MIPOL1: variants seen among roughly 807,000 people sequenced by gnomAD.
MIPOL1 encodes mirror-image polydactyly 1.
A neutral mutation model predicts 60.9 loss-of-function variants in MIPOL1; 57 were observed. The ratio of observed to expected loss-of-function variants is 0.94; its 90% CI spans 0.76 to 1.17. The LOEUF (loss-of-function observed/expected upper bound fraction) is 1.17. Ranked by LOEUF, MIPOL1 falls within the 50% of genes most tolerant of loss-of-function variation. MIPOL1 has a pLI of 0.00. For missense variants in MIPOL1, 551 were observed against 511.6 expected (o/e 1.08, Z -0.74); for synonymous variants, 179 against 168.8 (o/e 1.06, Z -0.47).
In MIPOL1 at chr14:37,550,038, T is replaced by C. The variant is rs2095558029; in HGVS notation, c.*3067T>C. The C allele has an allele frequency of 6.6e-6, 1 of 151,928 alleles. No homozygotes were observed. Among genetic ancestry groups the C allele is most frequent in the South Asian group, 2.1e-4 (1 of 4,830 alleles). The allele number at this position is 151,928 out of a possible 1,614,324, so 9.4% of individuals were successfully genotyped here. A position where few individuals can be genotyped will look rare whatever the true frequency, so the allele number is the denominator to read the frequency against. ...GCAGTTAAAGCAAAGTTATTAATTA[T>C]TAATATATGAGAATTTAAAATTTTA... On this transcript the variant is annotated 3_prime_UTR_variant, in exon 13 of 13. Transcript: ENST00000684589.
intron 11 of MIPOL1, among the ~76,000 whole-genome samples, chr14:37,479,320 T>G (rs1422319266): frequency 6.6e-6 from 1 of 152,104 alleles, no homozygotes; most frequent in Non-Finnish European, 1.5e-5. Flanking sequence ...TTAGCAAATT[T>G]AAGAATATTG....
chr14:37,341,819 A>C (rs964509268), intron 9 of MIPOL1, among the ~76,000 whole-genome samples: 4 of 152,172 alleles, frequency 2.6e-5, no homozygotes, highest in African/African-American at 7.2e-5. Flanking sequence ...GCTATTGTAC[A>C]TGTATACATA....
chr14:37,267,599 A>G lies in MIPOL1; in HGVS notation c.251+430A>G, dbSNP rs75341090. On this transcript the variant is annotated intron_variant, in intron 4 of 12. Transcript: ENST00000684589. Reference sequence around the variant, plus strand: ...GGTGTTGGCTAATTCTAAACTTATTAGAACTTGGCGAATCTACCAGGGTTT... The same window carrying G: ...GGTGTTGGCTAATTCTAAACTTATTGGAACTTGGCGAATCTACCAGGGTTT... Among the ~76,000 whole-genome samples, 1,322 of 152,188 alleles carry G rather than the reference A, an allele frequency of 8.7e-3. 16 individuals carry two copies. The highest frequency in any genetic ancestry group is 0.03 in the African/African-American group (1,265 of 41,520).
chr14:37,385,159 C>A (rs2093030765), intron 10 of MIPOL1, among the ~76,000 whole-genome samples: 1 of 151,956 alleles, frequency 6.6e-6, no homozygotes, highest in African/African-American at 2.4e-5. Flanking sequence ...ACTAAAGAAA[C>A]TGCTGTAAAA....
intron 7 of MIPOL1, among the ~76,000 whole-genome samples, chr14:37,293,325 A>G (rs1486392280): frequency 6.6e-6 from 1 of 152,010 alleles, no homozygotes; most frequent in Non-Finnish European, 1.5e-5. Context: ...AAAAATTACT[A>G]CATGGAGCCA....
intron 1 of MIPOL1, among the ~76,000 whole-genome samples, chr14:37,238,819 C>T (rs1428743995): frequency 6.6e-6 from 1 of 150,954 alleles, no homozygotes; most frequent in Admixed American, 6.6e-5. Context: ...ATGGGTGTGA[C>T]GGCTCATACC....
At chr14:37,358,495 T>C (rs925674772) in intron 9 of MIPOL1, among the ~76,000 whole-genome samples, 2 of 152,150 alleles carry the variant, frequency 1.3e-5, no homozygotes, top group Admixed American at 6.5e-5. Flanking sequence ...CTCTCCAGCA[T>C]CTGTTGTTTT....
intron 7 of MIPOL1, among the ~76,000 whole-genome samples, chr14:37,295,290 A>C (rs1181499061): frequency 6.6e-6 from 1 of 152,174 alleles, no homozygotes; most frequent in Admixed American, 6.5e-5. Context: ...GCTCTACAAG[A>C]GCTCCTGAAG....
chr14:37,412,126 A>C (rs2093690356), intron 10 of MIPOL1, among the ~76,000 whole-genome samples: 2 of 152,056 alleles, frequency 1.3e-5, no homozygotes, highest in African/African-American at 4.8e-5. Flanking sequence ...GCTCTTAACC[A>C]CCTCATGGTA....
At chr14:37,508,372 A>G (rs1469686386) in intron 12 of MIPOL1, among the ~76,000 whole-genome samples, 1 of 152,138 alleles carries the variant, frequency 6.6e-6, no homozygotes. Context: ...TCTGCTACTC[A>G]GTACAGTATG....
chr14:37,483,721 A>G, intron 11 of MIPOL1, among the ~76,000 whole-genome samples: 1 of 151,694 alleles, frequency 6.6e-6, no homozygotes, highest in East Asian at 2.0e-4. Flanking sequence ...CTGCAGCCTC[A>G]AACTCAGGGG....
chr14:37,416,265 A>G (rs2093767139), intron 10 of MIPOL1, among the ~76,000 whole-genome samples: 1 of 152,192 alleles, frequency 6.6e-6, no homozygotes. Context: ...TGATCATTGA[A>G]ATCCTATGAC....
chr14:37,431,584 T>TTA, intron 11 of MIPOL1, among the ~76,000 whole-genome samples: 1 of 117,534 alleles, frequency 8.5e-6, no homozygotes, highest in East Asian at 2.5e-4. Flanking sequence ...TTTTTTTTTT[T>TTA]TTTTTTTTTT....
At chr14:37,311,989 A>G (rs917014065) in intron 9 of MIPOL1, among the ~76,000 whole-genome samples, 2 of 149,232 alleles carry the variant, frequency 1.3e-5, no homozygotes, top group Non-Finnish European at 3.0e-5. Flanking sequence ...TTTGAAGAGT[A>G]CTGCTCACAT....
At chr14:37,238,699 C>T (rs1971869441) in intron 1 of MIPOL1, among the ~76,000 whole-genome samples, 1 of 151,716 alleles carries the variant, frequency 6.6e-6, no homozygotes, top group South Asian at 2.1e-4. Flanking sequence ...GCCTGTAATC[C>T]CAACACTTCG....
chr14:37,417,757 A>G (rs2093797569), intron 10 of MIPOL1, among the ~76,000 whole-genome samples: 1 of 152,200 alleles, frequency 6.6e-6, no homozygotes, highest in Admixed American at 6.5e-5. Flanking sequence ...GTGCTAGCTT[A>G]ATCATATATA....
chr14:37,508,643 C>T (rs1013147879), intron 12 of MIPOL1, among the ~76,000 whole-genome samples: 3 of 152,058 alleles, frequency 2.0e-5, no homozygotes, highest in African/African-American at 4.8e-5. Context: ...TATCTCATAA[C>T]GTTGCCATGA....
At chr14:37,206,333 A>G (rs775228085) in intron 1 of MIPOL1, among the ~76,000 whole-genome samples, 1 of 152,142 alleles carries the variant, frequency 6.6e-6, no homozygotes, top group Non-Finnish European at 1.5e-5. Flanking sequence ...GGAAGCTTCC[A>G]TGTGATGTTG....
intron 1 of MIPOL1, among the ~76,000 whole-genome samples, chr14:37,236,701 G>A (rs919337070): frequency 6.6e-6 from 1 of 152,064 alleles, no homozygotes; most frequent in African/African-American, 2.4e-5. Context: ...GCCTCCCAAA[G>A]TGCTGGGATC....
Sources: allele counts gnomAD v4.1 joint callset (sites outside exome capture counted in the v4.1 genomes callset), GRCh38; gene constraint gnomAD v4.1.1; transcripts MANE v1.5; gene names NCBI Gene and HGNC (gene_info 2026-07-23, HGNC 2026-07-21).